WARS2: variants seen among roughly 807,000 people sequenced by gnomAD.
WARS2 encodes tryptophanyl tRNA synthetase 2, mitochondrial, also known as tryptophan--tRNA ligase, mitochondrial.
A neutral mutation model predicts 36.5 loss-of-function variants in WARS2; 28 were observed. The observed-to-expected ratio is 0.77, with a 90% CI of 0.57 to 1.05. The LOEUF (loss-of-function observed/expected upper bound fraction) is 1.05, where lower values mean the gene tolerates loss of function less well. WARS2 is among the 50% of genes least tolerant of loss of function. The pLI, the probability that WARS2 is intolerant of heterozygous loss-of-function variation, is 0.00. For missense variants in WARS2, 435 were observed against 456.8 expected (o/e 0.95, Z 0.44); for synonymous variants, 174 against 178.4 (o/e 0.98, Z 0.20).
chr1:119,061,888 T>C (rs1346447071), intron 2 of WARS2, among the ~76,000 whole-genome samples: 1 of 152,154 alleles, frequency 6.6e-6, no homozygotes, highest in African/African-American at 2.4e-5. Context: ...CAACATTGCT[T>C]ATGATAAAAA....
At chr1:119,131,279 C>T (rs1442519461) in intron 1 of WARS2, among the ~76,000 whole-genome samples, 1 of 151,874 alleles carries the variant, frequency 6.6e-6, no homozygotes, top group Non-Finnish European at 1.5e-5. Context: ...TGATAGAGTA[C>T]AGACAGATAA....
At chr1:119,140,520 G>C (rs992430121) in intron 1 of WARS2, 35 bp downstream of exon 1, 2 of 1,595,836 alleles carry the variant, frequency 1.3e-6, no homozygotes, top group Admixed American at 3.4e-5. Context: ...CTCGCGGGAT[G>C]GGAAGCCGCG....
At chr1:119,105,892 A>G (rs1027739397) in intron 1 of WARS2, among the ~76,000 whole-genome samples, 1 of 152,224 alleles carries the variant, frequency 6.6e-6, no homozygotes, top group Non-Finnish European at 1.5e-5. Context: ...CCTAAGCAAC[A>G]GAGTGAGACT....
chr1:119,077,122 A>G (rs1420962538), intron 1 of WARS2, among the ~76,000 whole-genome samples: 1 of 65,762 alleles, frequency 1.5e-5, no homozygotes, highest in African/African-American at 6.0e-5. Context: ...TAGGCAACAG[A>G]GCGAGACCCC....
chr1:119,061,235 C>T (rs528304938), intron 2 of WARS2, among the ~76,000 whole-genome samples: 31 of 151,992 alleles, frequency 2.0e-4, no homozygotes, highest in South Asian at 4.2e-4. Flanking sequence ...AGACCAAACC[C>T]GAGATGTTCC....
intron 1 of WARS2, chr1:119,139,786 G>T (rs1278068442): frequency 6.6e-6 from 1 of 152,208 alleles, no homozygotes; most frequent in Non-Finnish European, 1.5e-5. Flanking sequence ...GCTTGCCACT[G>T]AGACTGTACT....
intron 1 of WARS2, among the ~76,000 whole-genome samples, chr1:119,090,179 A>G (rs1171144207): frequency 6.6e-6 from 1 of 152,212 alleles, no homozygotes; most frequent in Non-Finnish European, 1.5e-5. Context: ...TAGGGGAAAT[A>G]CTAAATAAGT....
chr1:119,067,552 A>T (rs1444230366), intron 2 of WARS2, among the ~76,000 whole-genome samples: 1 of 152,242 alleles, frequency 6.6e-6, no homozygotes, highest in Non-Finnish European at 1.5e-5. Flanking sequence ...CATTAACTTT[A>T]TCTCCATCTT....
intron 1 of WARS2, among the ~76,000 whole-genome samples, chr1:119,076,925 A>T (rs1651786346): frequency 6.6e-6 from 1 of 152,036 alleles, no homozygotes; most frequent in Non-Finnish European, 1.5e-5. Flanking sequence ...GGATCACCTG[A>T]GATCAGGAGT....
At chr1:119,051,668 T>G (rs1201386574) in intron 2 of WARS2, among the ~76,000 whole-genome samples, 2 of 152,148 alleles carry the variant, frequency 1.3e-5, no homozygotes, top group African/African-American at 4.8e-5. Flanking sequence ...AGTGTATAAG[T>G]GTTCCCTTTA....
chr1:119,133,803 C>A (rs587774289), intron 1 of WARS2, among the ~76,000 whole-genome samples: 1 of 152,090 alleles, frequency 6.6e-6, no homozygotes, highest in East Asian at 1.9e-4. Context: ...TGAAAGAACA[C>A]TGATATTTAC....
In WARS2 at chr1:119,075,154, G is replaced by GTATATATATA. The variant is rs774946774; in HGVS notation, c.348+1186_348+1195dup. 4.1e-4 allele frequency among the ~76,000 whole-genome samples: 62 copies of GTATATATATA among 151,114 alleles called. 1 individual carries two copies. Among genetic ancestry groups the GTATATATATA allele is most frequent in the African/African-American group, 1.2e-3 (48 of 40,900 alleles). On this transcript the variant is annotated intron_variant, in intron 2 of 5. Transcript: ENST00000235521. ...ATCTCTAAAAATTTAAAAAATTAGT[G>GTATATATATA]TATATATATACATATATATGAAATC...
intron 2 of WARS2, among the ~76,000 whole-genome samples, chr1:119,054,434 A>G (rs1649609466): frequency 6.6e-6 from 1 of 152,064 alleles, no homozygotes; most frequent in African/African-American, 2.4e-5. Context: ...AGTAACTAGA[A>G]CTCTTGTATA....
intron 1 of WARS2, among the ~76,000 whole-genome samples, chr1:119,095,596 C>T (rs12740888): frequency 3.3e-5 from 5 of 152,110 alleles, no homozygotes; most frequent in African/African-American, 4.8e-5. Flanking sequence ...CCGCGCCCGG[C>T]TAATTTTTGT....
At chr1:119,120,275 C>T (rs191388839) in intron 1 of WARS2, among the ~76,000 whole-genome samples, 51 of 152,068 alleles carry the variant, frequency 3.4e-4, no homozygotes, top group African/African-American at 1.2e-3. Context: ...CTATGAACAC[C>T]TTTATGTGCA....
chr1:119,072,286 C>T (rs1651384286), intron 2 of WARS2, among the ~76,000 whole-genome samples: 1 of 152,092 alleles, frequency 6.6e-6, no homozygotes, highest in African/African-American at 2.4e-5. Flanking sequence ...CCAGGCAATC[C>T]ACGGGCAGTA....
chr1:119,047,810 A>T (rs527894322), intron 2 of WARS2, among the ~76,000 whole-genome samples: 3 of 152,250 alleles, frequency 2.0e-5, no homozygotes, highest in African/African-American at 7.2e-5. Context: ...TTAGCCACAG[A>T]AAAACAAAGG....
intron 2 of WARS2, among the ~76,000 whole-genome samples, chr1:119,066,203 T>C (rs115575488): frequency 0.12 from 18,773 of 150,948 alleles, 1,414 homozygotes; most frequent in Non-Finnish European, 0.17. Context: ...CAAGGCTGGG[T>C]GCGGTGGCTC....
At chr1:119,085,808 T>A (rs1652609355) in intron 1 of WARS2, 20 of 1,609,474 alleles carry the variant, frequency 1.2e-5, no homozygotes, top group Non-Finnish European at 1.6e-5. Context: ...TGATGTCCCC[T>A]TCAGTCAGCT....
Sources: gnomAD v4.1 joint callset for allele counts (sites outside exome capture counted in the v4.1 genomes callset) on GRCh38, gnomAD v4.1.1 for gene constraint, MANE v1.5 for transcripts, NCBI Gene and HGNC (gene_info 2026-07-23, HGNC 2026-07-21) for gene names.